NPNT: variants seen among roughly 807,000 people sequenced by gnomAD.
NPNT encodes preosteoblast EGF-like repeat protein with MAM domain.
A neutral mutation model predicts 68.6 loss-of-function variants in NPNT; 45 were observed. The observed-to-expected ratio is 0.66, with a 90% CI of 0.52 to 0.84. The LOEUF is 0.84. Among genes scored for constraint, NPNT ranks in the 40% least tolerant of loss-of-function variants. The pLI, the probability that NPNT is intolerant of heterozygous loss-of-function variation, is 0.00. For missense variants in NPNT, 672 were observed against 714.8 expected (o/e 0.94, Z 0.68); for synonymous variants, 233 against 253.3 (o/e 0.92, Z 0.76).
At chr4:105,945,569 C>A (rs892990801) in intron 8 of NPNT, among the ~76,000 whole-genome samples, 1 of 152,180 alleles carries the variant, frequency 6.6e-6, no homozygotes, top group Non-Finnish European at 1.5e-5. Flanking sequence ...TACATACAGT[C>A]AATATGTAAG....
intron 11 of NPNT, among the ~76,000 whole-genome samples, chr4:105,967,650 A>G (rs1475093089): frequency 6.6e-6 from 1 of 151,682 alleles, no homozygotes; most frequent in Non-Finnish European, 1.5e-5. Context: ...ACCTGTGATC[A>G]CCACCTCTCC....
chr4:105,927,507 C>G lies in NPNT; in HGVS notation c.265+79C>G. The G allele has an allele frequency of 3.7e-6, 3 of 801,364 alleles. No homozygotes were observed. The South Asian group carries it at 6.2e-5, about 17-fold the overall frequency. The allele number at this position is 801,364 out of a possible 1,614,324, so 49.6% of individuals were successfully genotyped here. On this transcript the variant is annotated intron_variant, in intron 3 of 11. Transcript: ENST00000379987. ...AAATTAAAAATATTCTTATCTCAAA[C>G]TACTTTCCATGGCTATTTTTCCAAA...
intron 2 of NPNT, among the ~76,000 whole-genome samples, chr4:105,926,027 C>A (rs770708785): frequency 2.9e-4 from 44 of 152,174 alleles, no homozygotes; most frequent in Non-Finnish European, 8.8e-5. Context: ...TTACCCATCT[C>A]TTTAGCTTAA....
Position 105,958,549 on chromosome 4 carries a change from A to G in NPNT, c.1238A>G (p.Asp413Gly). 6.3e-7 allele frequency: 1 copy of G among 1,584,302 alleles called. No individual in the cohort carries two copies. Among genetic ancestry groups the G allele is most frequent in the Non-Finnish European group, 8.7e-7 (1 of 1,154,456 alleles). The change falls in exon 9 of 12, where the codon GAT (aspartate) becomes GGT (glycine). Residue 413 changes from aspartate to glycine, a missense_variant. Asp to Gly is a moderately conservative substitution (Grantham distance 94). Transcript: ENST00000379987. ...RGVSADDEAK[D>G]DPGVLVHSCN... Reference sequence around the variant, plus strand: ...GTCAGTGCAGACGATGAAGCAAAGGATGATCCAGGTGACACTTACACTCTT... The same window carrying G: ...GTCAGTGCAGACGATGAAGCAAAGGGTGATCCAGGTGACACTTACACTCTT...
At chr4:105,936,862 A>G (rs1729529808) in intron 3 of NPNT, 147 bp from the exon 4 acceptor site, 1 of 750,562 alleles carries the variant, frequency 1.3e-6, no homozygotes, top group East Asian at 2.9e-5. Context: ...ATATTGCATG[A>G]ACAGGATCTA....
At chr4:105,915,729 T>G (rs1229498556) in intron 2 of NPNT, among the ~76,000 whole-genome samples, 1 of 152,212 alleles carries the variant, frequency 6.6e-6, no homozygotes, top group Non-Finnish European at 1.5e-5. Context: ...ATATGTTCAG[T>G]TTGAAGCGCT....
chr4:105,923,623 G>A (rs1728432182), intron 2 of NPNT, among the ~76,000 whole-genome samples: 1 of 151,972 alleles, frequency 6.6e-6, no homozygotes, highest in Admixed American at 6.6e-5. Context: ...TCTCAAGATC[G>A]CCTCATGGTC....
intron 8 of NPNT, among the ~76,000 whole-genome samples, chr4:105,948,067 T>C (rs1009510916): frequency 5.3e-5 from 8 of 152,348 alleles, no homozygotes; most frequent in Admixed American, 5.2e-4. Flanking sequence ...ATTTTACTTG[T>C]TGGTTCTGAT....
chr4:105,933,617 G>A (rs1023500716), intron 3 of NPNT, among the ~76,000 whole-genome samples: 5 of 152,122 alleles, frequency 3.3e-5, no homozygotes, highest in Middle Eastern at 6.8e-3. Flanking sequence ...GCACCAAAGC[G>A]GGGAGAAAGT....
At chr4:105,953,792 A>G (rs1731012642) in intron 8 of NPNT, among the ~76,000 whole-genome samples, 1 of 152,240 alleles carries the variant, frequency 6.6e-6, no homozygotes, top group African/African-American at 2.4e-5. Context: ...AATTTAAGAC[A>G]GTGTTATTTT....
At chr4:105,926,324 T>G (rs145462012) in intron 2 of NPNT, among the ~76,000 whole-genome samples, 53 of 152,342 alleles carry the variant, frequency 3.5e-4, no homozygotes, top group Admixed American at 7.2e-4. Context: ...ACAATTATTT[T>G]TCATCTATTA....
rs989459589 is a variant in NPNT, at chr4:105,895,478, A to T, written c.-175A>T. 75 of 558,450 alleles carry T rather than the reference A, an allele frequency of 1.3e-4. No individual in the cohort carries two copies. The highest frequency in any genetic ancestry group is 2.2e-4 in the Non-Finnish European group (69 of 320,576). 34.6% of individuals were successfully genotyped at this position (558,450 alleles called of 1,614,324 possible). A position where few individuals can be genotyped will look rare whatever the true frequency, so the allele number is the denominator to read the frequency against. The stretch of plus-strand genomic sequence containing the variant: ...GAGGGGGCTCCGGGCGCCGCGCAGC[A>T]GACCTGCTCCGGCCGCGCGCCTCGC... On this transcript the variant is annotated 5_prime_UTR_variant, in exon 1 of 12. Coordinates refer to ENST00000379987, the MANE Select transcript of NPNT (RefSeq NM_001033047.3).
intron 3 of NPNT, 52 bp from the exon 4 acceptor site, chr4:105,936,957 C>T: frequency 6.3e-7 from 1 of 1,576,758 alleles, no homozygotes; most frequent in East Asian, 2.3e-5. Context: ...AGATGGCTTA[C>T]ATTAGTGCTG....
Position 105,969,222 on chromosome 4 carries a change from G to A in NPNT, c.*232G>A, listed in dbSNP as rs1042084728. The A allele has an allele frequency of 2.7e-6, 1 of 367,760 alleles. No individual in the cohort carries two copies. Among genetic ancestry groups the A allele is most frequent in the Non-Finnish European group, 4.9e-6 (1 of 203,278 alleles). 22.8% of individuals were successfully genotyped at this position (367,760 alleles called of 1,614,324 possible). On this transcript the variant is annotated 3_prime_UTR_variant, in exon 12 of 12. Transcript: ENST00000379987. ...CGCAGACACATCAAAGCCATCTGTG[G>A]GTGTTGCCTTCCATCCTGTGTCTCT...
At chr4:105,951,263 A>G (rs1008786141) in intron 8 of NPNT, among the ~76,000 whole-genome samples, 5 of 152,226 alleles carry the variant, frequency 3.3e-5, no homozygotes, top group African/African-American at 1.2e-4. Flanking sequence ...ATTAATATGT[A>G]TCAGGTGCTC....
chr4:105,971,402 G>A lies in NPNT; in HGVS notation c.*2412G>A, dbSNP rs1485486640. ...ATAAATCATTAAGCCTTTGAGTAACGGCAGAATATATGGCTGTAGATCCAT... is the reference window on the plus strand; with the variant it reads ...ATAAATCATTAAGCCTTTGAGTAACAGCAGAATATATGGCTGTAGATCCAT... On this transcript the variant is annotated 3_prime_UTR_variant, in exon 12 of 12. Coordinates refer to ENST00000379987, the MANE Select transcript of NPNT (RefSeq NM_001033047.3). The A allele has an allele frequency of 1.6e-5, 4 of 244,914 alleles. No individual in the cohort carries two copies. The highest frequency in any genetic ancestry group is 3.4e-5 in the Non-Finnish European group (4 of 116,050). The allele number at this position is 244,914 out of a possible 1,614,324, so 15.2% of individuals were successfully genotyped here.
intron 2 of NPNT, among the ~76,000 whole-genome samples, chr4:105,922,389 ATTTT>A (rs34610550): frequency 0.11 from 15,752 of 139,362 alleles, 1,775 homozygotes; most frequent in African/African-American, 0.3. Flanking sequence ...TAAGATGGAT[ATTTT>A]TTTTTTTTTT....
At chr4:105,937,961 G>A (rs534511876) in intron 4 of NPNT, among the ~76,000 whole-genome samples, 1 of 152,316 alleles carries the variant, frequency 6.6e-6, no homozygotes, top group East Asian at 1.9e-4. Context: ...GAAATCTGCT[G>A]TTCCCCTAGA....
intron 2 of NPNT, among the ~76,000 whole-genome samples, chr4:105,920,238 C>A (rs1229199366): frequency 6.6e-6 from 1 of 151,676 alleles, no homozygotes; most frequent in East Asian, 1.9e-4. Flanking sequence ...TCTTTGAGTG[C>A]TTAATTGCTT....
Sources: gnomAD v4.1 joint callset for allele counts (sites outside exome capture counted in the v4.1 genomes callset) on GRCh38, gnomAD v4.1.1 for gene constraint, MANE v1.5 for transcripts, NCBI Gene and HGNC (gene_info 2026-07-23, HGNC 2026-07-21) for gene names.